The following CACNA1C variants were observed in gnomAD, a reference collection of about 807,000 sequenced individuals.
CACNA1C encodes voltage-dependent L-type calcium channel subunit alpha-1C.
Under a neutral mutation model 229.0 loss-of-function variants are expected in CACNA1C, and 30 were observed. That is an observed-to-expected ratio of 0.13 (90% CI 0.10 to 0.18). The LOEUF (loss-of-function observed/expected upper bound fraction) is 0.18, where lower values mean the gene tolerates loss of function less well. Ranked by LOEUF, CACNA1C falls within the 10% of genes least tolerant of loss-of-function variation. The pLI, the probability that CACNA1C is intolerant of heterozygous loss-of-function variation, is 1.00. For synonymous variants in CACNA1C, 1,114 were observed against 1,132.5 expected (o/e 0.98, Z 0.33); for missense variants, 1,658 against 2,845.0 (o/e 0.58, Z 9.49).
Position 2,691,337 on chromosome 12 carries a change from G to A in CACNA1C, c.*138G>A, listed in dbSNP as rs1202584669. On this transcript the variant is annotated 3_prime_UTR_variant, in exon 47 of 47. Transcript: ENST00000399655. ...ATTCATTTCTGTTGGGACCAGACGC[G>A]GAGCCTGGGTGCGCGAGCCGCCCTC... is the stretch of plus-strand genomic sequence containing the variant. 3.2e-6 allele frequency: 3 copies of A among 943,622 alleles called. No homozygotes were observed. Among genetic ancestry groups the A allele is most frequent in the East Asian group, 3.2e-5 (1 of 31,260 alleles). 58.5% of individuals were successfully genotyped at this position (943,622 alleles called of 1,614,324 possible).
chr12:2,089,058 T>G (rs1250840888), intron 1 of CACNA1C, among the ~76,000 whole-genome samples: 1 of 152,178 alleles, frequency 6.6e-6, no homozygotes, highest in South Asian at 2.1e-4. Context: ...CTTGAAGTGG[T>G]CCCTTGCTCC....
chr12:2,557,643 A>C lies in CACNA1C; in HGVS notation c.1508+666A>C, dbSNP rs142038805. Among the ~76,000 whole-genome samples, 20 of 152,338 alleles carry C rather than the reference A, an allele frequency of 1.3e-4. No individual in the cohort carries two copies. The East Asian group carries it at 2.9e-3, about 22-fold the overall frequency. ...AACTCACACTTCTGTTCAGACCCTC[A>C]GATGTGACTGCTTCCGTGTTACTGC... On this transcript the variant is annotated intron_variant, in intron 11 of 46. Coordinates refer to ENST00000399655, the MANE Select transcript of CACNA1C (RefSeq NM_000719.7).
intron 3 of CACNA1C, among the ~76,000 whole-genome samples, chr12:2,278,712 C>T (rs188869875): frequency 9.8e-5 from 15 of 152,316 alleles, no homozygotes; most frequent in Admixed American, 4.6e-4. Context: ...AGGCTTCGTA[C>T]GGATGTATGC....
chr12:2,400,905 G>C (rs1400093775), intron 3 of CACNA1C, among the ~76,000 whole-genome samples: 1 of 152,140 alleles, frequency 6.6e-6, no homozygotes, highest in Non-Finnish European at 1.5e-5. Context: ...TGATGCTTCA[G>C]TGGCATCTCC....
chr12:2,102,722 A>C (rs2076882952), intron 1 of CACNA1C, among the ~76,000 whole-genome samples: 1 of 151,988 alleles, frequency 6.6e-6, no homozygotes, highest in Admixed American at 6.5e-5. Flanking sequence ...TCCTAATGCT[A>C]TCCCTCCCCT....
In CACNA1C at chr12:2,000,303, C is replaced by A. The variant is rs569871625; in HGVS notation, c.139+29102C>A. 7.2e-5 allele frequency among the ~76,000 whole-genome samples: 11 copies of A among 152,286 alleles called. No individual in the cohort carries two copies. In the East Asian group the frequency reaches 2.1e-3, roughly 29 times the overall value. Reference sequence around the variant, plus strand: ...GAACCTCTATGTAGTCAGGATCACTCCCCACAAGATCAAAACACTCTCCTG... The same window carrying A: ...GAACCTCTATGTAGTCAGGATCACTACCCACAAGATCAAAACACTCTCCTG... On this transcript the variant is annotated intron_variant, in intron 1 of 46. Coordinates refer to the CACNA1C transcript ENST00000682462.
Position 2,669,118 on chromosome 12 carries a change from C to T in CACNA1C, c.4726+83C>T, listed in dbSNP as rs986026711. On this transcript the variant is annotated intron_variant, in intron 38 of 46. Transcript: ENST00000399655. ...GAGGAGCTCGGCAGCCTGCAAAGTG[C>T]TCAAGGGAACTTCCTGCCCCAGACA... 5.3e-6 allele frequency: 5 copies of T among 946,498 alleles called. No homozygotes were observed. The Middle Eastern group carries it at 6.2e-4, about 117-fold the overall frequency. The allele number at this position is 946,498 out of a possible 1,614,324, so 58.6% of individuals were successfully genotyped here.
rs991326949 is a variant in CACNA1C, at chr12:2,633,947, G to C, written c.3829-350G>C. On this transcript the variant is annotated intron_variant, in intron 29 of 46. Transcript: ENST00000399655. The surrounding 1 kb of genome is among the most constrained non-coding windows in gnomAD (Gnocchi z 5.8). ...ACCTCAGCTCTGCCCGGCGCTGCCG[G>C]GCTGGGGCGTGGAGCTGAGCAGAGG... Among the ~76,000 whole-genome samples the C allele has an allele frequency of 1.3e-5, 2 of 152,160 alleles. No homozygotes were observed. Among genetic ancestry groups the C allele is most frequent in the African/African-American group, 4.8e-5 (2 of 41,428 alleles).
Position 2,331,782 on chromosome 12 carries a change from C to A in CACNA1C, c.478-117194C>A, listed in dbSNP as rs369327168. ...GAGCTAATCAGGAGGAAATATTAGA[C>A]AAACCCAAATTGAGGGACATGCTAC... On this transcript the variant is annotated intron_variant, in intron 3 of 46. Transcript: ENST00000399655. Among the ~76,000 whole-genome samples the A allele has an allele frequency of 2.0e-5, 3 of 152,350 alleles. No homozygotes were observed. The South Asian group carries it at 6.2e-4, about 32-fold the overall frequency.
At position 2,677,816 on chromosome 12, in the gene CACNA1C, C is replaced by T; in HGVS notation, c.5040C>T (p.Asp1680=). The change falls in exon 41 of 47, where the codon GAC becomes GAT. Residue 1680 remains aspartate (D), a synonymous_variant. Transcript: ENST00000399655. The surrounding 1 kb of genome is among the most constrained non-coding windows in gnomAD (Gnocchi z 7.4). ...ATCTCACCGCTGAGGAGGAGCTGGA[C>T]AAGGCCATGAAGGAGGCTGTGTCCG... ...SGDLTAEEEL[D]KAMKEAVSAA... The T allele has an allele frequency of 2.5e-6, 4 of 1,614,012 alleles. No homozygotes were observed. Among genetic ancestry groups the T allele is most frequent in the Non-Finnish European group, 3.4e-6 (4 of 1,179,890 alleles).
At position 2,160,971 on chromosome 12, in the gene CACNA1C, G is replaced by A. The variant is rs558268097; in HGVS notation, c.477+40541G>A. Among the ~76,000 whole-genome samples, 53 of 152,268 alleles carry A rather than the reference G, an allele frequency of 3.5e-4. 1 individual carries two copies. Among genetic ancestry groups the A allele is most frequent in the East Asian group, 3.3e-3 (17 of 5,168 alleles). ...TGAGTAGCTGGGACTACAGGCGTGCGCCACCACACTTGACTAATTTTTATA... is the reference window on the plus strand; with the variant it reads ...TGAGTAGCTGGGACTACAGGCGTGCACCACCACACTTGACTAATTTTTATA... On this transcript the variant is annotated intron_variant, in intron 3 of 46. Transcript: ENST00000399655.
chr12:2,468,722 A>G (rs1432653512), intron 5 of CACNA1C, among the ~76,000 whole-genome samples: 2 of 152,206 alleles, frequency 1.3e-5, no homozygotes, highest in African/African-American at 2.4e-5. Flanking sequence ...GGCAAATAGT[A>G]TTGTTGTCAC....
At position 2,109,786 on chromosome 12, in the gene CACNA1C, A is replaced by G. The variant is rs551540289; in HGVS notation, c.50-5438A>G. On this transcript the variant is annotated intron_variant, in intron 1 of 46. Coordinates refer to ENST00000399655, the MANE Select transcript of CACNA1C (RefSeq NM_000719.7). The stretch of plus-strand genomic sequence containing the variant: ...GAGATAGGTAGTGGCCTGGACTAGG[A>G]TGGAGATCTTCCTCACAACCCCTTT... Among the ~76,000 whole-genome samples the G allele has an allele frequency of 1.2e-4, 19 of 152,274 alleles. No homozygotes were observed. The South Asian group carries it at 3.9e-3, about 32-fold the overall frequency.
chr12:2,352,777 T>A (rs967816611), intron 3 of CACNA1C, among the ~76,000 whole-genome samples: 1 of 151,982 alleles, frequency 6.6e-6, no homozygotes, highest in Admixed American at 6.6e-5. Context: ...CAAAGAAAAA[T>A]GAGTTCAGGA....
chr12:2,602,057 C>T lies in CACNA1C; in HGVS notation c.2960+97C>T, dbSNP rs989646483. On this transcript the variant is annotated intron_variant, in intron 22 of 46. Coordinates refer to ENST00000399655, the MANE Select transcript of CACNA1C (RefSeq NM_000719.7). This position sits in a 1 kb window ranked among gnomAD's most constrained non-coding sequence, Gnocchi z 4.4. ...CTGGAGGGCCTGCCTGCAGGGCCACCGCAGTGTGATGAGAGTGGGGTGGGG... is the reference window on the plus strand; with the variant it reads ...CTGGAGGGCCTGCCTGCAGGGCCACTGCAGTGTGATGAGAGTGGGGTGGGG... The T allele has an allele frequency of 1.1e-5, 9 of 791,278 alleles. No homozygotes were observed. The highest frequency in any genetic ancestry group is 2.3e-4 in the Middle Eastern group (1 of 4,408). The allele number at this position is 791,278 out of a possible 1,614,324, so 49.0% of individuals were successfully genotyped here. A position where few individuals can be genotyped will look rare whatever the true frequency, so the allele number is the denominator to read the frequency against.
At chr12:2,314,794 A>T (rs780925267) in intron 3 of CACNA1C, among the ~76,000 whole-genome samples, 6 of 152,136 alleles carry the variant, frequency 3.9e-5, no homozygotes, top group Non-Finnish European at 5.9e-5. Context: ...TCTTTTTTTA[A>T]TGGAGAACAT....
chr12:2,508,845 AC>A (rs1450848001), intron 8 of CACNA1C, among the ~76,000 whole-genome samples: 2 of 152,166 alleles, frequency 1.3e-5, no homozygotes, highest in East Asian at 3.8e-4. Flanking sequence ...CCTCACATTA[AC>A]CCTATGCAAG....
At position 2,483,351 on chromosome 12, in the gene CACNA1C, A is replaced by ATTTTAAGTGTAGCT. The variant is rs1167013402; in HGVS notation, c.758-2751_758-2738dup. Among the ~76,000 whole-genome samples the ATTTTAAGTGTAGCT allele has an allele frequency of 3.9e-4, 59 of 152,306 alleles. 1 individual carries two copies. The highest frequency in any genetic ancestry group is 2.9e-3 in the Admixed American group (44 of 15,300). On this transcript the variant is annotated intron_variant, in intron 5 of 46. Transcript: ENST00000399655. Reference sequence around the variant, plus strand: ...TTCCAGTGTGTACTTTAGGAAGAGCATTTTAAGTGTAGCTTGAAGACTGGG... The same window carrying ATTTTAAGTGTAGCT: ...TTCCAGTGTGTACTTTAGGAAGAGCATTTTAAGTGTAGCTTTTTAAGTGTAGCTTGAAGACTGGG...
At chr12:2,300,391 C>T (rs1396310186) in intron 3 of CACNA1C, among the ~76,000 whole-genome samples, 1 of 152,116 alleles carries the variant, frequency 6.6e-6, no homozygotes, top group African/African-American at 2.4e-5. Context: ...AGGCTGATTG[C>T]AGGTGGATCA....
Sources: allele counts gnomAD v4.1 joint callset (sites outside exome capture counted in the v4.1 genomes callset), GRCh38; gene constraint gnomAD v4.1.1; non-coding constraint Gnocchi (gnomAD v3.1); transcripts MANE v1.5; gene names NCBI Gene and HGNC (gene_info 2026-07-23, HGNC 2026-07-21).